Variants in FGGY observed in about 807,000 individuals in gnomAD.
FGGY encodes the protein FGGY carbohydrate kinase domain containing, also known as FGGY carbohydrate kinase domain-containing protein.
Under a neutral mutation model 71.3 loss-of-function variants are expected in FGGY, and 72 were observed. The observed-to-expected ratio is 1.01, with a 90% CI of 0.84 to 1.23. FGGY has a LOEUF of 1.23. Ranked by LOEUF, FGGY falls within the 50% of genes most tolerant of loss-of-function variation. The pLI, the probability that FGGY is intolerant of heterozygous loss-of-function variation, is 0.00. For missense variants in FGGY, 668 were observed against 682.3 expected (o/e 0.98, Z 0.23); for synonymous variants, 251 against 250.3 (o/e 1.00, Z -0.02).
intron 7 of FGGY, among the ~76,000 whole-genome samples, chr1:59,523,169 C>T (rs1046246354): frequency 2.0e-5 from 3 of 152,200 alleles, no homozygotes; most frequent in Non-Finnish European, 4.4e-5. Flanking sequence ...TCAAAAGGTA[C>T]GGACTGCTAG....
chr1:59,466,713 C>T (rs1004710350), intron 6 of FGGY, among the ~76,000 whole-genome samples: 1 of 152,220 alleles, frequency 6.6e-6, no homozygotes, highest in African/African-American at 2.4e-5. Flanking sequence ...ACAGACACTT[C>T]TCAAAAGAAG....
In FGGY at chr1:59,424,286, C is replaced by T. The variant is rs972627725; in HGVS notation, c.555-32675C>T. ...GAATGAGGCCGGGCACTGTGGCTCA[C>T]GCCTGTAATCCCAGCACTCTGGGAG... On this transcript the variant is annotated intron_variant, in intron 5 of 15. Coordinates refer to ENST00000303721, the MANE Select transcript of FGGY (RefSeq NM_018291.5). 5.3e-5 allele frequency among the ~76,000 whole-genome samples: 8 copies of T among 152,338 alleles called. 1 individual carries two copies. Among genetic ancestry groups the T allele is most frequent in the South Asian group, 4.1e-4 (2 of 4,828 alleles).
At chr1:59,496,528 G>A (rs1240030512) in intron 6 of FGGY, among the ~76,000 whole-genome samples, 1 of 152,098 alleles carries the variant, frequency 6.6e-6, no homozygotes, top group Non-Finnish European at 1.5e-5. Context: ...GCCTACTTAA[G>A]GGTAGAGGTT....
chr1:59,690,130 A>G (rs1215027459), intron 14 of FGGY, among the ~76,000 whole-genome samples: 1 of 152,220 alleles, frequency 6.6e-6, no homozygotes, highest in African/African-American at 2.4e-5. Context: ...TGGAAATTGA[A>G]GCAAGTGTTT....
At chr1:59,477,599 T>C (rs184815719) in intron 6 of FGGY, among the ~76,000 whole-genome samples, 86 of 152,328 alleles carry the variant, frequency 5.6e-4, no homozygotes, top group Non-Finnish European at 1.0e-3. Context: ...CTTTGTGGTA[T>C]CATAAAACCT....
At chr1:59,562,294 C>T (rs963741703) in intron 8 of FGGY, among the ~76,000 whole-genome samples, 1 of 151,994 alleles carries the variant, frequency 6.6e-6, no homozygotes, top group Non-Finnish European at 1.5e-5. Flanking sequence ...TACTACTAAG[C>T]AGTAAAAGGG....
rs2051879964 is a variant in FGGY at position 59,346,269 on chromosome 1, C to T, written c.336C>T (p.Ile112=). Residue 112 remains isoleucine, a synonymous_variant, in exon 4 of 16, where the codon ATC becomes ATT. Coordinates refer to ENST00000303721, the MANE Select transcript of FGGY (RefSeq NM_018291.5). ...NQEGDSHRNV[I]MWLDHRAVSQ... ...TAGGGGATTCCCATCGAAACGTCAT[C>T]ATGTGGCTGGACCATCGAGCAGTCA... 4 of 1,612,876 alleles carry T rather than the reference C, an allele frequency of 2.5e-6. No homozygotes were observed. The highest frequency in any genetic ancestry group is 3.4e-6 in the Non-Finnish European group (4 of 1,179,726).
At chr1:59,402,924 G>A (rs1225239582) in intron 5 of FGGY, among the ~76,000 whole-genome samples, 2 of 152,170 alleles carry the variant, frequency 1.3e-5, no homozygotes, top group African/African-American at 2.4e-5. Flanking sequence ...GAGAGGGCAA[G>A]CATCAGGAAA....
At chr1:59,755,738 G>A (rs2101808664) in intron 14 of FGGY, 1 of 152,314 alleles carries the variant, frequency 6.6e-6, no homozygotes, top group South Asian at 2.1e-4. Context: ...GCAGTGGGAA[G>A]GAAAATAACA....
At chr1:59,421,484 C>T (rs1349066714) in intron 5 of FGGY, among the ~76,000 whole-genome samples, 1 of 100,912 alleles carries the variant, frequency 9.9e-6, no homozygotes, top group Admixed American at 1.1e-4. Flanking sequence ...TCTCCCTCTC[C>T]CCCTCTCTCC....
chr1:59,752,644 C>T (rs1032108256), intron 14 of FGGY, among the ~76,000 whole-genome samples: 2 of 152,204 alleles, frequency 1.3e-5, no homozygotes, highest in Non-Finnish European at 2.9e-5. Flanking sequence ...CCTGGTAACT[C>T]ACTCCAACAT....
intron 5 of FGGY, among the ~76,000 whole-genome samples, chr1:59,435,745 CGTGTGTGTGTGTGTGTGTGT>C (rs10563712): frequency 7.0e-6 from 1 of 142,352 alleles, no homozygotes; most frequent in African/African-American, 2.6e-5. Context: ...TGTGTGCCTG[CGTGTGTGTGTGTGTGTGTGT>C]GTGTGTGTGT....
intron 12 of FGGY, among the ~76,000 whole-genome samples, chr1:59,661,324 C>G (rs141571777): frequency 2.0e-5 from 3 of 152,046 alleles, no homozygotes; most frequent in African/African-American, 7.2e-5. Context: ...ATGGAACCTC[C>G]CAGATAGTAA....
chr1:59,610,991 G>C (rs1164327932), intron 9 of FGGY, among the ~76,000 whole-genome samples: 1 of 152,230 alleles, frequency 6.6e-6, no homozygotes, highest in Non-Finnish European at 1.5e-5. Context: ...GCTGAGGCTT[G>C]AGTAGGTAAA....
chr1:59,717,775 A>T (rs773120229), intron 14 of FGGY, among the ~76,000 whole-genome samples: 1 of 152,236 alleles, frequency 6.6e-6, no homozygotes, highest in Non-Finnish European at 1.5e-5. Context: ...GGCAAGAATT[A>T]TATGCTGATT....
chr1:59,654,495 G>C (rs1426402898), intron 11 of FGGY, among the ~76,000 whole-genome samples: 1 of 152,068 alleles, frequency 6.6e-6, no homozygotes, highest in Non-Finnish European at 1.5e-5. Context: ...CCATTTTCTT[G>C]TCTTTTGTAA....
chr1:59,509,557 C>G (rs1570425608), intron 6 of FGGY, among the ~76,000 whole-genome samples: 1 of 152,298 alleles, frequency 6.6e-6, no homozygotes. Context: ...ACACCCACCC[C>G]CTACCAGTTC....
At chr1:59,541,390 G>T (rs140843309) in intron 7 of FGGY, among the ~76,000 whole-genome samples, 8 of 152,182 alleles carry the variant, frequency 5.3e-5, no homozygotes, top group Non-Finnish European at 1.0e-4. Context: ...TAACTTGAGG[G>T]CACAGTGCCC....
rs964639582 is a variant in FGGY, at chr1:59,583,610, T to TG, written c.904-24187dup. 1.4e-5 allele frequency among the ~76,000 whole-genome samples: 2 copies of TG among 142,098 alleles called. 1 individual carries two copies. The highest frequency in any genetic ancestry group is 3.0e-5 in the Non-Finnish European group (2 of 66,252). The allele number at this position is 142,098 out of a possible 152,430, so 93.2% of individuals were successfully genotyped here. On this transcript the variant is annotated intron_variant, in intron 8 of 15. Coordinates refer to ENST00000303721, the MANE Select transcript of FGGY (RefSeq NM_018291.5). Reference sequence around the variant, plus strand: ...TGGACTGCGCATGGAGGAAGCTTCATGGGGGGCACACCTGAGGGGCATTTC... The same window carrying TG: ...TGGACTGCGCATGGAGGAAGCTTCATGGGGGGGCACACCTGAGGGGCATTTC...
Sources: allele counts gnomAD v4.1 joint callset (sites outside exome capture counted in the v4.1 genomes callset), GRCh38; gene constraint gnomAD v4.1.1; transcripts MANE v1.5; gene names NCBI Gene and HGNC (gene_info 2026-07-23, HGNC 2026-07-21).